MYT1L: variants seen among roughly 807,000 people sequenced by gnomAD.
MYT1L encodes myelin transcription factor 1 like.
MYT1L carries 12 observed loss-of-function variants against 126.7 expected under a neutral mutation model. That is an observed-to-expected ratio of 0.09 (90% confidence interval 0.06 to 0.15). The LOEUF (loss-of-function observed/expected upper bound fraction) is 0.15. Among genes scored for constraint, MYT1L ranks in the 10% least tolerant of loss-of-function variants. The pLI, the probability that MYT1L is intolerant of heterozygous loss-of-function variation, is 1.00. For synonymous variants in MYT1L, 541 were observed against 604.2 expected, an observed-to-expected ratio of 0.90 and a Z score of 1.53; for missense variants, 979 against 1,585.2, an observed-to-expected ratio of 0.62 and a Z score of 6.49.
chr2:1,838,633 C>T (rs1189698887), intron 21 of MYT1L, among the ~76,000 whole-genome samples: 1 of 152,158 alleles, frequency 6.6e-6, no homozygotes, highest in African/African-American at 2.4e-5. Context: ...CTGCACAGAA[C>T]GGGCCTCTCC....
intron 2 of MYT1L, among the ~76,000 whole-genome samples, chr2:2,240,162 G>A (rs1260809515): frequency 2.0e-5 from 3 of 152,120 alleles, no homozygotes; most frequent in Non-Finnish European, 4.4e-5. Context: ...AGCCAGGCAC[G>A]TGGCACAGAC....
chr2:1,876,659 G>T (rs999243517), intron 18 of MYT1L, among the ~76,000 whole-genome samples: 3 of 152,126 alleles, frequency 2.0e-5, no homozygotes, highest in Non-Finnish European at 4.4e-5. Context: ...AGCACCTGCT[G>T]CCTCCCATCC....
chr2:1,979,320 A>G lies in MYT1L; in HGVS notation c.90-93T>C, dbSNP rs902222875. 2 of 1,240,706 alleles carry G rather than the reference A, an allele frequency of 1.6e-6. No individual in the cohort carries two copies. The highest frequency in any genetic ancestry group is 3.0e-5 in the African/African-American group (2 of 67,180). 76.9% of individuals were successfully genotyped at this position (1,240,706 alleles called of 1,614,324 possible). A position where few individuals can be genotyped will look rare whatever the true frequency, so the allele number is the denominator to read the frequency against. ...AGCAGAGAGAAGGAGGGCGGCTCAG[A>G]CAGAGGAGAGAAATCACACAATCCA... On this transcript the variant is annotated intron_variant, in intron 7 of 24. Coordinates refer to ENST00000647738, the MANE Select transcript of MYT1L (RefSeq NM_001303052.2). This position sits in a 1 kb window ranked among gnomAD's most constrained non-coding sequence, Gnocchi z 4.0.
rs58549168 is a variant in MYT1L, at chr2:2,109,875, TTATATATATATATATATATATA to T, written c.-303-55774_-303-55753del. Among the ~76,000 whole-genome samples, 136 of 63,888 alleles carry T rather than the reference TTATATATATATATATATATATA, an allele frequency of 2.1e-3. 2 individuals are homozygous for T. Among genetic ancestry groups the T allele is most frequent in the South Asian group, 4.2e-3 (8 of 1,900 alleles). The allele number at this position is 63,888 out of a possible 152,430, so 41.9% of individuals were successfully genotyped here. A position where few individuals can be genotyped will look rare whatever the true frequency, so the allele number is the denominator to read the frequency against. ...AGGAAGATTCACAAAAGTGCTGATT[TTATATATATATATATATATATA>T]TATATATATATATATATATATATAT... On this transcript the variant is annotated intron_variant, in intron 3 of 24. Transcript: ENST00000647738.
At chr2:1,835,935 C>T (rs150091628) in intron 21 of MYT1L, among the ~76,000 whole-genome samples, 3 of 152,284 alleles carry the variant, frequency 2.0e-5, no homozygotes, top group African/African-American at 7.2e-5. Context: ...AGCCTGGGGC[C>T]TTTCCCATCA....
chr2:2,104,895 C>T (rs925052086), intron 3 of MYT1L, among the ~76,000 whole-genome samples: 2 of 152,148 alleles, frequency 1.3e-5, no homozygotes, highest in East Asian at 1.9e-4. Flanking sequence ...ACAGCTGTTA[C>T]TCTTCTTTAA....
chr2:2,012,194 T>A (rs1463244651), intron 4 of MYT1L, among the ~76,000 whole-genome samples: 4 of 152,220 alleles, frequency 2.6e-5, no homozygotes, highest in Non-Finnish European at 4.4e-5. Context: ...TACTGATGAA[T>A]GGACAAAGAG....
In MYT1L at chr2:2,072,480, GA is replaced by G. The variant is rs570222397; in HGVS notation, c.-303-18358del. Among the ~76,000 whole-genome samples the G allele has an allele frequency of 1.0e-3, 155 of 152,254 alleles. 1 individual carries two copies. Among genetic ancestry groups the G allele is most frequent in the African/African-American group, 3.6e-3 (149 of 41,552 alleles). The stretch of plus-strand genomic sequence containing the variant: ...CGTCTTCCTGTCCTCAATTCTGCCA[GA>G]AAAAATGCATGAGATGTTTGTCTTA... On this transcript the variant is annotated intron_variant, in intron 3 of 24. Coordinates refer to ENST00000647738, the MANE Select transcript of MYT1L (RefSeq NM_001303052.2).
chr2:2,015,276 GA>G (rs2149789684), intron 4 of MYT1L, among the ~76,000 whole-genome samples: 1 of 152,164 alleles, frequency 6.6e-6, no homozygotes, highest in South Asian at 2.1e-4. Flanking sequence ...GATAATGATG[GA>G]AAGGAGACAG....
At chr2:1,996,575 C>A (rs2061875521) in intron 5 of MYT1L, among the ~76,000 whole-genome samples, 1 of 142,670 alleles carries the variant, frequency 7.0e-6, no homozygotes, top group South Asian at 2.3e-4. Context: ...AGACGGGCTG[C>A]CTTTACCTAG....
intron 4 of MYT1L, among the ~76,000 whole-genome samples, chr2:2,005,704 AGGCGTTCTTTCC>A: frequency 7.0e-6 from 1 of 142,998 alleles, no homozygotes; most frequent in South Asian, 2.3e-4. Flanking sequence ...TCTCTCCTGC[AGGCGTTCTTTCC>A]TGCATGCGTT....
At chr2:1,870,674 T>G (rs2046168367) in intron 18 of MYT1L, among the ~76,000 whole-genome samples, 1 of 152,182 alleles carries the variant, frequency 6.6e-6, no homozygotes, top group Non-Finnish European at 1.5e-5. Context: ...AAAGGGACAT[T>G]TTACACGATC....
At position 1,889,416 on chromosome 2, in the gene MYT1L, G is replaced by A. The variant is rs749429732; in HGVS notation, c.2345C>T (p.Pro782Leu). 38 of 1,613,526 alleles carry A rather than the reference G, an allele frequency of 2.4e-5. No homozygotes were observed. The highest frequency in any genetic ancestry group is 3.1e-5 in the Non-Finnish European group (36 of 1,179,742). Residue 782 changes from proline to leucine, a missense_variant, in exon 16 of 25, where the codon CCG (proline) becomes CTG (leucine). By Grantham distance (98) the Pro-to-Leu change is moderately conservative (BLOSUM62 -3). This residue lies in a region of MYT1L where 141 missense variants were observed against 170.6 expected (regional missense o/e 0.83). Transcript: ENST00000647738. The surrounding 1 kb of genome is among the most constrained non-coding windows in gnomAD (Gnocchi z 4.1). Reference protein sequence around the residue: ...TLDLSMNKQRPRDSCCPILTP... With the variant: ...TLDLSMNKQRLRDSCCPILTP... Reference sequence around the variant, plus strand: ...CAGGATGGGGCAGCAGCTGTCCCGCGGCCTCTGCTTGTTCATGCTGAGGTC... The same window carrying A: ...CAGGATGGGGCAGCAGCTGTCCCGCAGCCTCTGCTTGTTCATGCTGAGGTC...
chr2:2,159,965 A>T (rs2087566581), intron 3 of MYT1L, among the ~76,000 whole-genome samples: 1 of 152,166 alleles, frequency 6.6e-6, no homozygotes, highest in Admixed American at 6.5e-5. Context: ...ACACCCTGCG[A>T]TAGCACCCAG....
chr2:2,199,685 C>T (rs1420470208), intron 2 of MYT1L, among the ~76,000 whole-genome samples: 1 of 152,182 alleles, frequency 6.6e-6, no homozygotes, highest in East Asian at 1.9e-4. Context: ...GTTGGCTCCT[C>T]CTCACCTTGG....
chr2:2,245,948 A>G (rs575457155), intron 2 of MYT1L, among the ~76,000 whole-genome samples: 2 of 152,300 alleles, frequency 1.3e-5, no homozygotes, highest in South Asian at 2.1e-4. Context: ...TCTCCCCTGG[A>G]GCCTCCCAAG....
intron 5 of MYT1L, among the ~76,000 whole-genome samples, chr2:1,987,934 C>T (rs2061170625): frequency 6.6e-6 from 1 of 152,206 alleles, no homozygotes; most frequent in Non-Finnish European, 1.5e-5. Flanking sequence ...TGAAGCTGTC[C>T]TCTAGCACGT....
intron 3 of MYT1L, among the ~76,000 whole-genome samples, chr2:2,069,062 T>C (rs1018870981): frequency 6.6e-6 from 1 of 151,986 alleles, no homozygotes; most frequent in Non-Finnish European, 1.5e-5. Context: ...TCCTTGACAT[T>C]TGGGCAACAT....
At chr2:1,962,196 T>C (rs548680239) in intron 8 of MYT1L, among the ~76,000 whole-genome samples, 1 of 152,356 alleles carries the variant, frequency 6.6e-6, no homozygotes, top group Non-Finnish European at 1.5e-5. Flanking sequence ...AGAATGTTAA[T>C]CTAAAGTAGA....
Sources: gnomAD v4.1 joint callset for allele counts (sites outside exome capture counted in the v4.1 genomes callset) on GRCh38, gnomAD v4.1.1 for gene constraint, gnomAD v4.1.1 regional missense constraint, Gnocchi (gnomAD v3.1) non-coding constraint, MANE v1.5 for transcripts, NCBI Gene and HGNC (gene_info 2026-07-23, HGNC 2026-07-21) for gene names.